PTCHD4: variants seen among roughly 807,000 people sequenced by gnomAD.
The protein encoded by PTCHD4 is patched domain containing 4, also known as patched domain-containing protein 4.
Under a neutral mutation model 58.1 loss-of-function variants are expected in PTCHD4, and 33 were observed. The observed-to-expected ratio is 0.57, with a 90% CI of 0.43 to 0.76. PTCHD4 has a LOEUF of 0.76. Among genes scored for constraint, PTCHD4 ranks in the 30% least tolerant of loss-of-function variants. The pLI is 0.00. For synonymous variants in PTCHD4, 478 were observed against 409.6 expected, an observed-to-expected ratio of 1.17 and a Z score of -2.02; for missense variants, 1,058 against 1,027.1, an observed-to-expected ratio of 1.03 and a Z score of -0.41.
At chr6:48,062,215 C>T (rs867806709) in intron 3 of PTCHD4, among the ~76,000 whole-genome samples, 11 of 151,996 alleles carry the variant, frequency 7.2e-5, no homozygotes, top group Admixed American at 3.3e-4. Flanking sequence ...AAAATAAAAA[C>T]GGTTAGAGTG....
chr6:47,941,340 C>T (rs964515093), intron 4 of PTCHD4, among the ~76,000 whole-genome samples: 1 of 152,164 alleles, frequency 6.6e-6, no homozygotes, highest in Non-Finnish European at 1.5e-5. Context: ...TGCAGGTCGG[C>T]AACTCCTGAC....
At chr6:48,056,435 T>C (rs1225609769) in intron 3 of PTCHD4, among the ~76,000 whole-genome samples, 2 of 152,222 alleles carry the variant, frequency 1.3e-5, no homozygotes, top group Admixed American at 1.3e-4. Context: ...TTTTCACTAA[T>C]ATGTGCCTGT....
chr6:48,032,159 A>G (rs963843119), intron 3 of PTCHD4, among the ~76,000 whole-genome samples: 1 of 152,044 alleles, frequency 6.6e-6, no homozygotes, highest in Non-Finnish European at 1.5e-5. Flanking sequence ...TAGTTAAAAG[A>G]AAGTGTGTAT....
intron 1 of PTCHD4, among the ~76,000 whole-genome samples, chr6:48,074,839 A>G (rs916715154): frequency 1.1e-4 from 16 of 152,178 alleles, no homozygotes; most frequent in Non-Finnish European, 1.9e-4. Flanking sequence ...TAGAACTGTA[A>G]TCTGTTCAAA....
chr6:48,019,744 A>G (rs192627272), intron 3 of PTCHD4, among the ~76,000 whole-genome samples: 40 of 151,038 alleles, frequency 2.6e-4, no homozygotes, highest in Admixed American at 2.0e-3. Flanking sequence ...TCAAAAAAAA[A>G]AAAAATAATA....
At chr6:48,023,329 G>A (rs1057481277) in intron 3 of PTCHD4, among the ~76,000 whole-genome samples, 15 of 152,014 alleles carry the variant, frequency 9.9e-5, no homozygotes, top group African/African-American at 3.6e-4. Context: ...AAATATGACC[G>A]GATAACCCCA....
intron 1 of PTCHD4, among the ~76,000 whole-genome samples, chr6:48,085,905 TAAAA>T (rs936423171): frequency 2.6e-5 from 4 of 152,198 alleles, no homozygotes; most frequent in Non-Finnish European, 4.4e-5. Context: ...TGTCATTGCT[TAAAA>T]AACAAACTTT....
chr6:48,095,594 G>T (rs1375103991), intron 1 of PTCHD4, among the ~76,000 whole-genome samples: 1 of 152,210 alleles, frequency 6.6e-6, no homozygotes, highest in East Asian at 1.9e-4. Flanking sequence ...GGAGGCTGAG[G>T]CAGGAGAATG....
At chr6:47,962,955 T>C (rs147794325) in intron 4 of PTCHD4, among the ~76,000 whole-genome samples, 2,628 of 150,172 alleles carry the variant, frequency 0.017, 39 homozygotes, top group South Asian at 0.055. Flanking sequence ...AGTTCAGGAG[T>C]TCAAGACCAG....
intron 4 of PTCHD4, among the ~76,000 whole-genome samples, chr6:47,905,043 T>TCACACA (rs70999653): frequency 0.095 from 12,493 of 131,516 alleles, 665 homozygotes; most frequent in Non-Finnish European, 0.11. Flanking sequence ...AATACAGCCA[T>TCACACA]CACACACACA....
intron 1 of PTCHD4, among the ~76,000 whole-genome samples, chr6:48,098,513 A>G (rs1231948300): frequency 6.6e-6 from 1 of 151,794 alleles, no homozygotes; most frequent in East Asian, 1.9e-4. Flanking sequence ...TAATTTTTGT[A>G]TTTTTAGTAG....
At chr6:48,007,833 T>G (rs1477122822) in intron 4 of PTCHD4, among the ~76,000 whole-genome samples, 1 of 152,306 alleles carries the variant, frequency 6.6e-6, no homozygotes, top group Admixed American at 6.5e-5. Context: ...GCTATCACTA[T>G]CATCATCTCT....
At chr6:47,912,898 A>G (rs1372848368) in intron 4 of PTCHD4, among the ~76,000 whole-genome samples, 1 of 152,096 alleles carries the variant, frequency 6.6e-6, no homozygotes, top group Non-Finnish European at 1.5e-5. Flanking sequence ...TAATCTTTAA[A>G]ATGTTCTTTT....
chr6:47,949,281 TA>T (rs1166701626), intron 4 of PTCHD4, among the ~76,000 whole-genome samples: 1 of 152,110 alleles, frequency 6.6e-6, no homozygotes, highest in Admixed American at 6.6e-5. Flanking sequence ...ATATAGGCCA[TA>T]AGTCAGATGA....
At chr6:47,961,306 T>C (rs1365535234) in intron 4 of PTCHD4, among the ~76,000 whole-genome samples, 1 of 151,902 alleles carries the variant, frequency 6.6e-6, no homozygotes, top group Non-Finnish European at 1.5e-5. Context: ...TTTTTTTTCT[T>C]TCTTGAGACG....
chr6:47,891,549 C>T (rs1259660312), intron 4 of PTCHD4, among the ~76,000 whole-genome samples: 1 of 152,136 alleles, frequency 6.6e-6, no homozygotes, highest in South Asian at 2.1e-4. Context: ...TCACGGCTTA[C>T]CCTTACTCTA....
At chr6:48,043,646 A>G (rs1309256513) in intron 3 of PTCHD4, among the ~76,000 whole-genome samples, 1 of 151,916 alleles carries the variant, frequency 6.6e-6, no homozygotes, top group Non-Finnish European at 1.5e-5. Context: ...CTTAAATTCA[A>G]ATGCCTGTGC....
intron 4 of PTCHD4, among the ~76,000 whole-genome samples, chr6:47,882,894 T>C (rs372469057): frequency 3.3e-5 from 5 of 151,526 alleles, no homozygotes; most frequent in Non-Finnish European, 7.4e-5. Context: ...GGCTAGGGAA[T>C]GCATTTTATC....
chr6:47,881,902 G>T (rs889345887), intron 4 of PTCHD4, among the ~76,000 whole-genome samples: 2 of 152,020 alleles, frequency 1.3e-5, no homozygotes, highest in Non-Finnish European at 2.9e-5. Flanking sequence ...AAGTAGAAAG[G>T]TTCGTGTAAA....
Sources: gnomAD v4.1 joint callset for allele counts (sites outside exome capture counted in the v4.1 genomes callset) on GRCh38, gnomAD v4.1.1 for gene constraint, MANE v1.5 for transcripts, NCBI Gene and HGNC (gene_info 2026-07-23, HGNC 2026-07-21) for gene names.